Variants in MECOM observed in about 807,000 individuals in gnomAD.
MECOM encodes the protein histone-lysine N-methyltransferase MECOM.
A neutral mutation model predicts 116.3 loss-of-function variants in MECOM; 13 were observed. That is an observed-to-expected ratio of 0.11 (90% CI 0.07 to 0.18). MECOM has a LOEUF of 0.18. Among genes scored for constraint, MECOM ranks in the 10% least tolerant of loss-of-function variants. MECOM has a pLI of 1.00. For synonymous variants in MECOM, 528 were observed against 535.2 expected (o/e 0.99, Z 0.19); for missense variants, 1,299 against 1,509.0 (o/e 0.86, Z 2.31).
chr3:169,461,039 G>T (rs970393276), intron 1 of MECOM, among the ~76,000 whole-genome samples: 3 of 152,020 alleles, frequency 2.0e-5, no homozygotes, highest in Non-Finnish European at 4.4e-5. Context: ...TTAAACACCA[G>T]CTCCTAGAGA....
intron 6 of MECOM, among the ~76,000 whole-genome samples, chr3:169,121,905 A>G (rs907373139): frequency 6.6e-5 from 10 of 152,306 alleles, no homozygotes; most frequent in African/African-American, 2.4e-4. Flanking sequence ...TGAAAAAAAA[A>G]AAGCTATTAA....
intron 2 of MECOM, among the ~76,000 whole-genome samples, chr3:169,162,599 C>G (rs1743005254): frequency 6.6e-6 from 1 of 152,114 alleles, no homozygotes. Flanking sequence ...GTTCATTTAA[C>G]TGCTTTGCAA....
intron 9 of MECOM, among the ~76,000 whole-genome samples, chr3:169,109,977 C>T (rs781112495): frequency 3.7e-4 from 57 of 152,192 alleles, no homozygotes; most frequent in Middle Eastern, 3.4e-3. Context: ...GAATTTGATC[C>T]TCCCTTTATT....
intron 1 of MECOM, among the ~76,000 whole-genome samples, chr3:169,393,824 G>A (rs964130022): frequency 6.6e-6 from 1 of 151,976 alleles, no homozygotes; most frequent in African/African-American, 2.4e-5. Context: ...AATTGAAATA[G>A]ATATTTCAAT....
chr3:169,134,141 T>G (rs777378722), intron 3 of MECOM, among the ~76,000 whole-genome samples: 2 of 152,220 alleles, frequency 1.3e-5, no homozygotes, highest in Non-Finnish European at 2.9e-5. Flanking sequence ...CATTATTTCT[T>G]TGTAGTCCAC....
At chr3:169,196,539 GAGA>G (rs142385624) in intron 2 of MECOM, among the ~76,000 whole-genome samples, 1 of 152,124 alleles carries the variant, frequency 6.6e-6, no homozygotes, top group Non-Finnish European at 1.5e-5. Flanking sequence ...ATTACCTACT[GAGA>G]AGTTTATTAA....
rs1370852551 is a variant in MECOM at position 169,381,167 on chromosome 3, A to T, written c.375+20T>A. 1 of 1,572,980 alleles carries T rather than the reference A, an allele frequency of 6.4e-7. No homozygotes were observed. The highest frequency in any genetic ancestry group is 8.7e-7 in the Non-Finnish European group (1 of 1,153,536). On this transcript the variant is annotated intron_variant, in intron 2 of 16. Transcript: ENST00000651503. ...CACAGCTGCAATATATAAATGTGTT[A>T]ACTCAAAATACATTCTTACCTCCCA...
intron 1 of MECOM, among the ~76,000 whole-genome samples, chr3:169,617,005 G>A (rs1185269419): frequency 6.6e-6 from 1 of 152,128 alleles, no homozygotes; most frequent in Non-Finnish European, 1.5e-5. Flanking sequence ...TGTAAGTCTT[G>A]AAAGTTTGTG....
chr3:169,379,925 C>T (rs1732114586), intron 2 of MECOM, among the ~76,000 whole-genome samples: 1 of 152,092 alleles, frequency 6.6e-6, no homozygotes, highest in African/African-American at 2.4e-5. Context: ...TGTCTAAAGG[C>T]AATGCAGCTA....
chr3:169,444,924 T>C (rs1157028846), intron 1 of MECOM, among the ~76,000 whole-genome samples: 2 of 152,222 alleles, frequency 1.3e-5, no homozygotes, highest in African/African-American at 2.4e-5. Context: ...GCAAAGAGAC[T>C]GGAGGCATTT....
intron 1 of MECOM, among the ~76,000 whole-genome samples, chr3:169,662,321 C>G (rs1776384643): frequency 6.6e-6 from 1 of 152,158 alleles, no homozygotes; most frequent in South Asian, 2.1e-4. Context: ...GCGCCCTCTC[C>G]GCGGCCCAAC....
intron 1 of MECOM, among the ~76,000 whole-genome samples, chr3:169,573,340 C>T (rs972956767): frequency 2.6e-5 from 4 of 152,154 alleles, no homozygotes; most frequent in African/African-American, 9.7e-5. Context: ...GTACACAAAG[C>T]CCCCTTGTGG....
At chr3:169,359,809 G>GC (rs1727892382) in intron 2 of MECOM, among the ~76,000 whole-genome samples, 1 of 151,726 alleles carries the variant, frequency 6.6e-6, no homozygotes, top group Admixed American at 6.6e-5. Context: ...CCAATTAAAT[G>GC]TATTACTAAA....
chr3:169,356,986 A>T (rs750238328), intron 2 of MECOM, among the ~76,000 whole-genome samples: 1 of 151,910 alleles, frequency 6.6e-6, no homozygotes, highest in African/African-American at 2.4e-5. Context: ...GAGAAAAATG[A>T]TCACAGAATT....
intron 1 of MECOM, among the ~76,000 whole-genome samples, chr3:169,504,797 A>T (rs144352161): frequency 6.6e-6 from 1 of 152,212 alleles, no homozygotes; most frequent in Admixed American, 6.5e-5. Context: ...TTACAAATTT[A>T]TATTGTTTAA....
At chr3:169,131,401 TAAG>T in intron 4 of MECOM, 25 bp downstream of exon 4, 1 of 1,557,606 alleles carries the variant, frequency 6.4e-7, no homozygotes, top group Non-Finnish European at 8.9e-7. Context: ...GATAAGGTGA[TAAG>T]GAGGGTGGCG....
chr3:169,161,742 T>C (rs1033686875), intron 2 of MECOM, among the ~76,000 whole-genome samples: 7 of 152,112 alleles, frequency 4.6e-5, no homozygotes, highest in Admixed American at 1.3e-4. Context: ...GAGAAAGGGA[T>C]GCTATGTGAG....
intron 1 of MECOM, among the ~76,000 whole-genome samples, chr3:169,598,887 G>C (rs1250650891): frequency 6.6e-6 from 1 of 152,118 alleles, no homozygotes; most frequent in Non-Finnish European, 1.5e-5. Flanking sequence ...GAAGGTCAAA[G>C]GAAAGAGAAG....
At chr3:169,662,324 G>A (rs749567286) in intron 1 of MECOM, among the ~76,000 whole-genome samples, 20 of 152,104 alleles carry the variant, frequency 1.3e-4, no homozygotes, top group Non-Finnish European at 2.5e-4. Context: ...CCCTCTCCGC[G>A]GCCCAACGCT....
Sources: allele counts gnomAD v4.1 joint callset (sites outside exome capture counted in the v4.1 genomes callset), GRCh38; gene constraint gnomAD v4.1.1; transcripts MANE v1.5; gene names NCBI Gene and HGNC (gene_info 2026-07-23, HGNC 2026-07-21).